FSD1L: variants seen among roughly 807,000 people sequenced by gnomAD.
The protein encoded by FSD1L is FSD1-like protein.
Under a neutral mutation model 71.6 loss-of-function variants are expected in FSD1L, and 45 were observed. The ratio of observed to expected loss-of-function variants is 0.63; its 90% confidence interval spans 0.49 to 0.81. The LOEUF (loss-of-function observed/expected upper bound fraction) is 0.81, where lower values mean the gene tolerates loss of function less well. Ranked by LOEUF, FSD1L falls within the 30% of genes least tolerant of loss-of-function variation. The pLI is 0.00. For synonymous variants in FSD1L, 197 were observed against 207.2 expected (o/e 0.95, Z 0.42); for missense variants, 561 against 618.1 (o/e 0.91, Z 0.98).
chr9:105,510,644 A>T (rs1834338936), intron 9 of FSD1L, among the ~76,000 whole-genome samples: 1 of 152,194 alleles, frequency 6.6e-6, no homozygotes, highest in Non-Finnish European at 1.5e-5. Flanking sequence ...GCCCTCCAAC[A>T]TATGAAGCAC....
intron 13 of FSD1L, among the ~76,000 whole-genome samples, chr9:105,540,952 G>A (rs979459205): frequency 2.0e-5 from 3 of 152,072 alleles, no homozygotes; most frequent in Admixed American, 1.3e-4. Flanking sequence ...CATTACTTTG[G>A]CTAGAGCTTT....
intron 4 of FSD1L, among the ~76,000 whole-genome samples, chr9:105,470,175 T>A (rs1831362382): frequency 6.6e-6 from 1 of 152,222 alleles, no homozygotes; most frequent in Non-Finnish European, 1.5e-5. Context: ...TTGTAAGGTA[T>A]TTTGAAATCA....
At chr9:105,525,635 T>C in intron 10 of FSD1L, 2 of 1,612,166 alleles carry the variant, frequency 1.2e-6, no homozygotes, top group East Asian at 2.2e-5. Context: ...CTTAGAGAAC[T>C]TAGGAACTTG....
chr9:105,525,894 G>A lies in FSD1L; in HGVS notation c.1026-8599G>A. The A allele has an allele frequency of 4.5e-6, 7 of 1,562,186 alleles. No individual in the cohort carries two copies. The South Asian group carries it at 7.8e-5, about 17-fold the overall frequency. On this transcript the variant is annotated intron_variant, in intron 10 of 13. Coordinates refer to ENST00000481272, the MANE Select transcript of FSD1L (RefSeq NM_001145313.3). ...CTACAGTAGAAGTAATATTTCACATGTCAACAAGAATGCCTTCTGATTCTG... is the reference window on the plus strand; with the variant it reads ...CTACAGTAGAAGTAATATTTCACATATCAACAAGAATGCCTTCTGATTCTG...
intron 7 of FSD1L, among the ~76,000 whole-genome samples, chr9:105,498,199 A>ATTATTATTG (rs999634631): frequency 2.7e-5 from 3 of 110,506 alleles, no homozygotes; most frequent in African/African-American, 9.8e-5. Flanking sequence ...CTTTATTATT[A>ATTATTATTG]TTATTATTAT....
At chr9:105,487,056 A>G (rs899802037) in intron 7 of FSD1L, among the ~76,000 whole-genome samples, 2 of 152,154 alleles carry the variant, frequency 1.3e-5, no homozygotes, top group Non-Finnish European at 2.9e-5. Flanking sequence ...GAACTCAAAA[A>G]AAGGAAGCAT....
rs377745055 is a variant in FSD1L at position 105,548,379 on chromosome 9, A to G, written c.*1896A>G. 7.9e-5 allele frequency: 12 copies of G among 152,674 alleles called. No homozygotes were observed. The East Asian group carries it at 1.5e-3, about 20-fold the overall frequency. 9.5% of individuals were successfully genotyped at this position (152,674 alleles called of 1,614,324 possible). A position where few individuals can be genotyped will look rare whatever the true frequency, so the allele number is the denominator to read the frequency against. On this transcript the variant is annotated 3_prime_UTR_variant, in exon 14 of 14. Transcript: ENST00000481272. The stretch of plus-strand genomic sequence containing the variant: ...TTGCTTTAAGTGAATTTTAACAAAT[A>G]TGACACAGAAAAGGTCAGATGCTGT...
upstream of FSD1L, among the ~76,000 whole-genome samples, chr9:105,445,730 T>C (rs547458665): frequency 5.3e-5 from 8 of 152,310 alleles, no homozygotes; most frequent in Non-Finnish European, 7.4e-5. Context: ...TCAACTGCAG[T>C]ACACAGTGTG....
intron 7 of FSD1L, among the ~76,000 whole-genome samples, chr9:105,485,995 T>C (rs1396660367): frequency 6.6e-6 from 1 of 152,104 alleles, no homozygotes; most frequent in Non-Finnish European, 1.5e-5. Context: ...ACCATTCCTT[T>C]TTTCCTTGAA....
At chr9:105,448,491 A>G (rs1361132930) in intron 1 of FSD1L, among the ~76,000 whole-genome samples, 1 of 152,186 alleles carries the variant, frequency 6.6e-6, no homozygotes, top group Admixed American at 6.5e-5. Context: ...ACTCTGGAGG[A>G]GAAACGGAGC....
intron 12 of FSD1L, among the ~76,000 whole-genome samples, chr9:105,537,459 GACA>G (rs1836340398): frequency 6.6e-6 from 1 of 151,602 alleles, no homozygotes; most frequent in South Asian, 2.1e-4. Flanking sequence ...CAACTACCAA[GACA>G]ACATTTGCTT....
intron 10 of FSD1L, among the ~76,000 whole-genome samples, chr9:105,519,391 G>A (rs1010913746): frequency 2.6e-5 from 4 of 152,088 alleles, no homozygotes; most frequent in African/African-American, 9.7e-5. Context: ...ACATTGATGC[G>A]AAAATCCTCA....
At position 105,539,315 on chromosome 9, in the gene FSD1L, G is replaced by A; in HGVS notation, c.1431G>A (p.Lys477=). 1 of 1,506,496 alleles carries A rather than the reference G, an allele frequency of 6.6e-7. No homozygotes were observed. Among genetic ancestry groups the A allele is most frequent in the Non-Finnish European group, 8.9e-7 (1 of 1,117,608 alleles). The allele number at this position is 1,506,496 out of a possible 1,614,324, so 93.3% of individuals were successfully genotyped here. The change falls in exon 13 of 14, where the codon AAG becomes AAA. Residue 477 remains lysine (K), a synonymous_variant. Coordinates refer to ENST00000481272, the MANE Select transcript of FSD1L (RefSeq NM_001145313.3). ...CTAAACAGTTGCTATATTCCTTTAA[G>A]ACAAAATTTACTCAGCCAGTACTAC... The part of the protein sequence containing the change: ...ANSKQLLYSF[K]TKFTQPVLPG...
At chr9:105,472,120 T>G in intron 5 of FSD1L, 115 bp downstream of exon 5, 1 of 1,220,312 alleles carries the variant, frequency 8.2e-7, no homozygotes, top group Admixed American at 4.1e-5. Context: ...AATAAAGCCT[T>G]GGGGTTTCTT....
chr9:105,522,367 A>T, intron 10 of FSD1L: 1 of 1,614,142 alleles, frequency 6.2e-7, no homozygotes, highest in East Asian at 2.2e-5. Flanking sequence ...GGAGTTGGAC[A>T]TGAATTTCAG....
intron 10 of FSD1L, chr9:105,513,662 C>T (rs1398838472): frequency 2.0e-6 from 3 of 1,500,792 alleles, no homozygotes; most frequent in Non-Finnish European, 2.7e-6. Context: ...AGTTCTAGGA[C>T]TTAGTAAAAT....
chr9:105,521,726 T>A (rs1336519387), intron 10 of FSD1L: 3 of 1,613,202 alleles, frequency 1.9e-6, no homozygotes, highest in Non-Finnish European at 2.5e-6. Flanking sequence ...ATACTGCTGA[T>A]CATGTTCGAA....
intron 7 of FSD1L, among the ~76,000 whole-genome samples, chr9:105,494,826 A>G (rs1222640201): frequency 6.6e-6 from 1 of 152,058 alleles, no homozygotes; most frequent in Admixed American, 6.5e-5. Flanking sequence ...ATTTTCGTGA[A>G]CCGCAAATGC....
chr9:105,485,533 G>GTTTTTTTTTTTTT (rs34268568), intron 7 of FSD1L, among the ~76,000 whole-genome samples: 3 of 79,404 alleles, frequency 3.8e-5, no homozygotes, highest in East Asian at 4.2e-4. Context: ...TTGGTTAGGT[G>GTTTTTTTTTTTTT]TTTTTTTTTT....
Sources: gnomAD v4.1 joint callset for allele counts (sites outside exome capture counted in the v4.1 genomes callset) on GRCh38, gnomAD v4.1.1 for gene constraint, MANE v1.5 for transcripts, NCBI Gene and HGNC (gene_info 2026-07-23, HGNC 2026-07-21) for gene names.